The following THAP5 variants were observed in gnomAD, a reference collection of about 807,000 sequenced individuals.
THAP5 encodes THAP domain containing 5.
A neutral mutation model predicts 34.0 loss-of-function variants in THAP5; 26 were observed. The observed-to-expected ratio is 0.77, with a 90% CI of 0.56 to 1.06. The LOEUF is 1.06. Ranked by LOEUF, THAP5 falls within the 50% of genes least tolerant of loss-of-function variation. The probability of loss-of-function intolerance (pLI) is 0.00; values close to 1 mark genes in which losing one functional copy is unlikely to be tolerated. For synonymous variants in THAP5, 125 were observed against 153.0 expected, an observed-to-expected ratio of 0.82 and a Z score of 1.35; for missense variants, 394 against 452.8, an observed-to-expected ratio of 0.87 and a Z score of 1.18.
At chr7:108,548,962 A>G in the THAP5 span, among the ~76,000 whole-genome samples, 1 of 152,122 alleles carries the variant, frequency 6.6e-6, no homozygotes, top group Non-Finnish European at 1.5e-5. Flanking sequence ...TACAAGCCTT[A>G]TTGCAAACAA....
chr7:108,541,969 C>A, the THAP5 span, among the ~76,000 whole-genome samples: 1 of 152,110 alleles, frequency 6.6e-6, no homozygotes, highest in Non-Finnish European at 1.5e-5. Flanking sequence ...CTTTTCTCTT[C>A]AAGATGACAT....
rs1164125559 is a variant in THAP5 at position 108,563,695 on chromosome 7, T to C, written c.*496A>G. 6.6e-6 allele frequency: 1 copy of C among 152,288 alleles called. No homozygotes were observed. The highest frequency in any genetic ancestry group is 6.5e-5 in the Admixed American group (1 of 15,290). The allele number at this position is 152,288 out of a possible 1,614,324, so 9.4% of individuals were successfully genotyped here. On this transcript the variant is annotated 3_prime_UTR_variant, in exon 3 of 3. Coordinates refer to ENST00000415914, the MANE Select transcript of THAP5 (RefSeq NM_001130475.3). ...TTAATATCATCAAATTCTAGCCAACTTCTAGTATTACGTATATATTATCTT... is the reference window on the plus strand; with the variant it reads ...TTAATATCATCAAATTCTAGCCAACCTCTAGTATTACGTATATATTATCTT...
the THAP5 span, among the ~76,000 whole-genome samples, chr7:108,548,079 A>C: frequency 6.6e-6 from 1 of 152,254 alleles, no homozygotes; most frequent in Admixed American, 6.5e-5. Flanking sequence ...GGTACTGGTT[A>C]TAACATGCCA....
At chr7:108,552,392 A>G (rs756879323), downstream of THAP5, among the ~76,000 whole-genome samples, 30 of 152,210 alleles carry the variant, frequency 2.0e-4, no homozygotes, top group Non-Finnish European at 3.5e-4. Context: ...TCATGTTGAC[A>G]GGAATCTCTG....
chr7:108,569,743 C>T (rs1297896157), upstream of THAP5: 6 of 813,666 alleles, frequency 7.4e-6, no homozygotes, highest in Non-Finnish European at 1.1e-5. Flanking sequence ...TTAAGCACCG[C>T]CTTTTCGGGG....
chr7:108,569,009 C>G, intron 1 of THAP5: 1 of 685,340 alleles, frequency 1.5e-6, no homozygotes, highest in East Asian at 1.2e-4. Context: ...CTGGCTCTGA[C>G]ACTAAACTTT....
chr7:108,569,752 G>A, upstream of THAP5: 1 of 763,610 alleles, frequency 1.3e-6, no homozygotes, highest in Non-Finnish European at 2.1e-6. Context: ...GCCTTTTCGG[G>A]GGTTGAAGCC....
chr7:108,568,606 G>A (rs60598865), intron 1 of THAP5: 9,052 of 154,718 alleles, frequency 0.059, 599 homozygotes, highest in African/African-American at 0.17. Context: ...CAAAACAACT[G>A]CTGAAAATCT....
intron 2 of THAP5, chr7:108,565,441 G>A (rs1191670032): frequency 1.6e-5 from 3 of 184,428 alleles, no homozygotes; most frequent in Non-Finnish European, 3.4e-5. Context: ...GGTGGCAGGC[G>A]CCTGTAATCC....
chr7:108,547,462 A>G, the THAP5 span, among the ~76,000 whole-genome samples: 1 of 152,202 alleles, frequency 6.6e-6, no homozygotes, highest in Non-Finnish European at 1.5e-5. Context: ...CTCCTACTCC[A>G]TTGCTTCTCA....
rs1037879955 is a variant in THAP5, at chr7:108,565,523, G to A, written c.273+307C>T. 2.6e-5 allele frequency: 5 copies of A among 194,764 alleles called. No individual in the cohort carries two copies. The South Asian group carries it at 3.8e-4, about 15-fold the overall frequency. 12.1% of individuals were successfully genotyped at this position (194,764 alleles called of 1,614,324 possible). ...GCAGAGGTTGCAGTGAGCTGAGATCGCACCACTGCACTCTAGCCAGGGTGA... is the reference window on the plus strand; with the variant it reads ...GCAGAGGTTGCAGTGAGCTGAGATCACACCACTGCACTCTAGCCAGGGTGA... On this transcript the variant is annotated intron_variant, in intron 2 of 2. Transcript: ENST00000415914.
downstream of THAP5, among the ~76,000 whole-genome samples, chr7:108,561,492 C>T (rs2154517996): frequency 6.8e-6 from 1 of 147,506 alleles, no homozygotes. Context: ...TAGTCTTTAA[C>T]TCCAAAGTTC....
chr7:108,556,510 G>T (rs1235727743), intron 1 of THAP5, among the ~76,000 whole-genome samples: 1 of 152,188 alleles, frequency 6.6e-6, no homozygotes, highest in Non-Finnish European at 1.5e-5. Flanking sequence ...CTCCATGCAA[G>T]TCCAAAACCA....
At chr7:108,568,837 C>T (rs1790544310) in intron 1 of THAP5, among the ~76,000 whole-genome samples, 1 of 152,144 alleles carries the variant, frequency 6.6e-6, no homozygotes, top group Non-Finnish European at 1.5e-5. Flanking sequence ...GCCTGGACCC[C>T]TAATTATTAT....
At chr7:108,546,508 T>TAAC in the THAP5 span, among the ~76,000 whole-genome samples, 22 of 152,152 alleles carry the variant, frequency 1.4e-4, no homozygotes, top group African/African-American at 5.3e-4. Context: ...TGCTCCAGAT[T>TAAC]AACAACAACA....
chr7:108,560,014 C>T (rs572569698), downstream of THAP5, among the ~76,000 whole-genome samples: 1 of 152,270 alleles, frequency 6.6e-6, no homozygotes, highest in Middle Eastern at 3.4e-3. Context: ...TTAATATCTT[C>T]AGGTTATTTC....
chr7:108,544,479 C>G, the THAP5 span, among the ~76,000 whole-genome samples: 3 of 150,904 alleles, frequency 2.0e-5, no homozygotes, highest in African/African-American at 4.9e-5. Context: ...TGCAGAGAGC[C>G]GAGATCGCGC....
chr7:108,564,510 G>A lies in THAP5; in HGVS notation c.869C>T (p.Ser290Phe), dbSNP rs769031482. ...CATTTCCGTGGTTTCTTTTTGTGCA[G>A]ATATAAAAGAATTAACTGAGGGTTT... Reference protein sequence around the residue: ...NSKPSVNSFISAQKETTEMED... With the variant: ...NSKPSVNSFIFAQKETTEMED... The change falls in exon 3 of 3, where the codon TCT becomes TTT. Residue 290 changes from serine to phenylalanine, a missense_variant. By Grantham distance (155) the Ser-to-Phe change is radical. Coordinates refer to ENST00000415914, the MANE Select transcript of THAP5 (RefSeq NM_001130475.3). The A allele has an allele frequency of 3.7e-6, 6 of 1,613,754 alleles. No homozygotes were observed. The African/African-American group carries it at 4.0e-5, about 11-fold the overall frequency.
chr7:108,564,837 T>G lies in THAP5; in HGVS notation c.542A>C (p.Glu181Ala). The change falls in exon 3 of 3, where the codon GAA becomes GCA. Residue 181 changes from glutamate (E) to alanine (A), a missense_variant. Physicochemically the swap from Glu to Ala is moderately radical, Grantham distance 107 (BLOSUM62 -1). Coordinates refer to ENST00000415914, the MANE Select transcript of THAP5 (RefSeq NM_001130475.3). ...ACCTGTATCTTGGTTAACTGATGTTTCCAAGGTAGATTCTGGTTTCCCAGT... is the reference window on the plus strand; with the variant it reads ...ACCTGTATCTTGGTTAACTGATGTTGCCAAGGTAGATTCTGGTTTCCCAGT... ...QHTGKPESTL[E>A]TSVNQDTGRG... 1.9e-6 allele frequency: 3 copies of G among 1,613,024 alleles called. No individual in the cohort carries two copies. Among genetic ancestry groups the G allele is most frequent in the Non-Finnish European group, 2.5e-6 (3 of 1,179,368 alleles).
Sources: allele counts gnomAD v4.1 joint callset (sites outside exome capture counted in the v4.1 genomes callset), GRCh38; gene constraint gnomAD v4.1.1; transcripts MANE v1.5; gene names NCBI Gene and HGNC (gene_info 2026-07-23, HGNC 2026-07-21).